SLC19A3: variants seen among roughly 807,000 people sequenced by gnomAD.
SLC19A3 encodes the protein thiamine transporter 2.
A neutral mutation model predicts 40.2 loss-of-function variants in SLC19A3; 31 were observed. The ratio of observed to expected loss-of-function variants is 0.77; its 90% confidence interval spans 0.58 to 1.04. SLC19A3 has a LOEUF of 1.04. Among genes scored for constraint, SLC19A3 ranks in the 50% least tolerant of loss-of-function variants. The pLI is 0.00. For missense variants in SLC19A3, 592 were observed against 596.7 expected (o/e 0.99, Z 0.08); for synonymous variants, 212 against 227.5 (o/e 0.93, Z 0.61).
At chr2:227,699,836 T>C (rs1695608431) in intron 2 of SLC19A3, among the ~76,000 whole-genome samples, 1 of 152,178 alleles carries the variant, frequency 6.6e-6, no homozygotes, top group East Asian at 1.9e-4. Context: ...GTATGTACAG[T>C]TGAGTAGATG....
Position 227,688,318 on chromosome 2 carries a change from A to G in SLC19A3, c.1173-11T>C, listed in dbSNP as rs1695098363. The G allele has an allele frequency of 6.2e-7, 1 of 1,613,160 alleles. No individual in the cohort carries two copies. The highest frequency in any genetic ancestry group is 2.2e-5 in the East Asian group (1 of 44,870). On this transcript the variant is annotated splice_polypyrimidine_tract_variant and intron_variant, in intron 4 of 5. Transcript: ENST00000644224. Reference sequence around the variant, plus strand: ...ACTGCAATCTGAAATCTATCATTAAACATAAATAAGCATTTTAACTATAAT... The same window carrying G: ...ACTGCAATCTGAAATCTATCATTAAGCATAAATAAGCATTTTAACTATAAT...
chr2:227,711,278 G>A (rs1696125979), intron 1 of SLC19A3, among the ~76,000 whole-genome samples: 2 of 151,980 alleles, frequency 1.3e-5, no homozygotes, highest in African/African-American at 4.8e-5. Flanking sequence ...GAATTAGCTG[G>A]GCATGGTGGT....
At chr2:227,710,719 A>T (rs1696108438) in intron 1 of SLC19A3, among the ~76,000 whole-genome samples, 1 of 152,178 alleles carries the variant, frequency 6.6e-6, no homozygotes, top group Non-Finnish European at 1.5e-5. Context: ...GTTATCAAAG[A>T]GGGTCATTAT....
At chr2:227,710,730 G>A (rs527814808) in intron 1 of SLC19A3, among the ~76,000 whole-genome samples, 4 of 152,186 alleles carry the variant, frequency 2.6e-5, no homozygotes, top group African/African-American at 9.6e-5. Context: ...GGGTCATTAT[G>A]AATAAAAAGA....
rs145929169 is a variant in SLC19A3 at position 227,703,716 on chromosome 2, G to T, written c.-2-1396C>A. 8.6e-3 allele frequency among the ~76,000 whole-genome samples: 1,308 copies of T among 152,234 alleles called. 25 individuals are homozygous for T. The highest frequency in any genetic ancestry group is 0.03 in the African/African-American group (1,229 of 41,566). On this transcript the variant is annotated intron_variant, in intron 1 of 5. Transcript: ENST00000644224. The surrounding 1 kb of genome is among the most constrained non-coding windows in gnomAD (Gnocchi z 4.7). ...TTATAGAAATGGCTGTCCTGGACAG[G>T]TGATCACTGAGGCTTGGTCATCTTC... is the stretch of plus-strand genomic sequence containing the variant.
chr2:227,712,940 C>T (rs776328337), intron 1 of SLC19A3, among the ~76,000 whole-genome samples: 12 of 152,114 alleles, frequency 7.9e-5, no homozygotes, highest in Non-Finnish European at 1.3e-4. Flanking sequence ...CAATAGAGCG[C>T]AGGGGAACTT....
rs552728486 is a variant in SLC19A3, at chr2:227,698,613, T to C, written c.979+123A>G. The C allele has an allele frequency of 3.2e-6, 3 of 933,934 alleles. No individual in the cohort carries two copies. In the African/African-American group the frequency reaches 4.9e-5, roughly 15 times the overall value. 57.9% of individuals were successfully genotyped at this position (933,934 alleles called of 1,614,324 possible). On this transcript the variant is annotated intron_variant, in intron 3 of 5. Transcript: ENST00000644224. ...CATGCCCGGCCGTGACTTTCATTCTTGACTGAAAAAAGTTATGCTTCCTTC... is the reference window on the plus strand; with the variant it reads ...CATGCCCGGCCGTGACTTTCATTCTCGACTGAAAAAAGTTATGCTTCCTTC...
intron 5 of SLC19A3, among the ~76,000 whole-genome samples, 200 bp from the exon 6 acceptor site, chr2:227,687,773 T>C (rs1695074492): frequency 6.6e-6 from 1 of 152,174 alleles, no homozygotes; most frequent in Non-Finnish European, 1.5e-5. Flanking sequence ...ATACGGTGAC[T>C]AAGAGTCTTG....
chr2:227,697,891 C>A (rs1430917813), intron 3 of SLC19A3, among the ~76,000 whole-genome samples: 1 of 151,758 alleles, frequency 6.6e-6, no homozygotes, highest in Non-Finnish European at 1.5e-5. Flanking sequence ...TCCTGGGCAA[C>A]ATGGTGAAAC....
intron 3 of SLC19A3, 23 bp from the exon 4 acceptor site, chr2:227,696,104 A>G (rs1383357241): frequency 1.2e-6 from 2 of 1,610,030 alleles, no homozygotes; most frequent in Admixed American, 3.4e-5. Context: ...ATTGAAGGCA[A>G]TCAAACATAA....
intron 1 of SLC19A3, among the ~76,000 whole-genome samples, chr2:227,705,856 G>A (rs1437438295): frequency 1.3e-5 from 2 of 152,084 alleles, no homozygotes; most frequent in Non-Finnish European, 2.9e-5. Flanking sequence ...ATGTACCCCA[G>A]AACTTAAAAT....
At chr2:227,708,277 T>A (rs1387767932) in intron 1 of SLC19A3, among the ~76,000 whole-genome samples, 1 of 152,248 alleles carries the variant, frequency 6.6e-6, no homozygotes, top group East Asian at 1.9e-4. Context: ...TTTGTTTTTA[T>A]CTGCCTTGCA....
At chr2:227,706,492 T>C (rs1695948496) in intron 1 of SLC19A3, 3 of 1,219,600 alleles carry the variant, frequency 2.5e-6, no homozygotes, top group Non-Finnish European at 3.1e-6. Context: ...TTTAAAAGGC[T>C]GGGTGTAGTG....
Position 227,684,343 on chromosome 2 carries a change from C to T in SLC19A3, c.*3054G>A, listed in dbSNP as rs1170886374. On this transcript the variant is annotated 3_prime_UTR_variant, in exon 6 of 6. Transcript: ENST00000644224. ...ATTTTTTAATCCACTTTGGGTCTCA[C>T]TCTGTCGCTCAGGCTGGAGTGCAGT... is the stretch of plus-strand genomic sequence containing the variant. 6.6e-6 allele frequency: 1 copy of T among 152,146 alleles called. No individual in the cohort carries two copies. The highest frequency in any genetic ancestry group is 2.4e-5 in the African/African-American group (1 of 41,432). 9.4% of individuals were successfully genotyped at this position (152,146 alleles called of 1,614,324 possible). A position where few individuals can be genotyped will look rare whatever the true frequency, so the allele number is the denominator to read the frequency against.
chr2:227,702,455 A>G (rs1039442029), intron 1 of SLC19A3, 135 bp from the exon 2 acceptor site: 1 of 860,820 alleles, frequency 1.2e-6, no homozygotes. Context: ...GTGCAGTGGC[A>G]TGATCTCAGC....
intron 1 of SLC19A3, among the ~76,000 whole-genome samples, chr2:227,709,723 A>C (rs1696074019): frequency 6.6e-6 from 1 of 152,104 alleles, no homozygotes; most frequent in Admixed American, 6.6e-5. Context: ...AAACCTGATA[A>C]GTTTCCCACA....
At position 227,683,971 on chromosome 2, in the gene SLC19A3, G is replaced by GT. The variant is rs113896991; in HGVS notation, c.*3425dup. ...AAGCCACCATGCCCAGCTAATTTTT[G>GT]TATTTTTTGTAGAGACAGGGTTTTG... On this transcript the variant is annotated 3_prime_UTR_variant, in exon 6 of 6. Coordinates refer to ENST00000644224, the MANE Select transcript of SLC19A3 (RefSeq NM_025243.4). 11,156 of 152,008 alleles carry GT rather than the reference G, an allele frequency of 0.073. 1,146 individuals are homozygous for GT. Among genetic ancestry groups the GT allele is most frequent in the African/African-American group, 0.24 (9,753 of 41,322 alleles). The allele number at this position is 152,008 out of a possible 1,614,324, so 9.4% of individuals were successfully genotyped here. A position where few individuals can be genotyped will look rare whatever the true frequency, so the allele number is the denominator to read the frequency against.
rs1181303768 is a variant in SLC19A3, at chr2:227,699,449, C to G, written c.266G>C (p.Ser89Thr). The change falls in exon 3 of 6, where the codon AGT becomes ACT. Residue 89 changes from serine to threonine, a missense_variant. Physicochemically the swap from Ser to Thr is moderately conservative, Grantham distance 58 (BLOSUM62 1). Transcript: ENST00000644224. Reference sequence around the variant, plus strand: ...CAGCAGCAGCCAGGTAATGATGAAACTGATACCTTGCAAGATGATGACTGG... The same window carrying G: ...CAGCAGCAGCCAGGTAATGATGAAAGTGATACCTTGCAAGATGATGACTGG... The part of the protein sequence containing the change: ...YKPVIILQGI[S>T]FIITWLLLLF... The G allele has an allele frequency of 6.2e-7, 1 of 1,614,022 alleles. No individual in the cohort carries two copies. The highest frequency in any genetic ancestry group is 8.5e-7 in the Non-Finnish European group (1 of 1,180,036).
rs553112293 is a variant in SLC19A3, at chr2:227,703,212, A to G, written c.-2-892T>C. On this transcript the variant is annotated intron_variant, in intron 1 of 5. Coordinates refer to ENST00000644224, the MANE Select transcript of SLC19A3 (RefSeq NM_025243.4). The surrounding 1 kb of genome is among the most constrained non-coding windows in gnomAD (Gnocchi z 4.7). ...TTCACACTAAAGATTATGGTTACATATATAGAGCTTTTAGGGTCAATTGCA... is the reference window on the plus strand; with the variant it reads ...TTCACACTAAAGATTATGGTTACATGTATAGAGCTTTTAGGGTCAATTGCA... Among the ~76,000 whole-genome samples, 7 of 152,232 alleles carry G rather than the reference A, an allele frequency of 4.6e-5. No individual in the cohort carries two copies. The highest frequency in any genetic ancestry group is 1.3e-4 in the Admixed American group (2 of 15,276).
Sources: allele counts gnomAD v4.1 joint callset (sites outside exome capture counted in the v4.1 genomes callset), GRCh38; gene constraint gnomAD v4.1.1; non-coding constraint Gnocchi (gnomAD v3.1); transcripts MANE v1.5; gene names NCBI Gene and HGNC (gene_info 2026-07-23, HGNC 2026-07-21).